Variants in GLI2 observed in about 807,000 individuals in gnomAD.
GLI2 encodes the protein transcription activator GLI2.
In GLI2, 22 loss-of-function variants were observed where a neutral mutation model predicts 78.9. The ratio of observed to expected loss-of-function variants is 0.28; its 90% CI spans 0.20 to 0.40. The LOEUF (loss-of-function observed/expected upper bound fraction) is 0.40, where lower values mean the gene tolerates loss of function less well. Ranked by LOEUF, GLI2 falls within the 10% of genes least tolerant of loss-of-function variation. The pLI is 1.00. For synonymous variants in GLI2, 974 were observed against 963.7 expected (o/e 1.01, Z -0.20); for missense variants, 2,097 against 2,213.2 (o/e 0.95, Z 1.05).
At chr2:120,856,053 A>G (rs750606847) in intron 2 of GLI2, among the ~76,000 whole-genome samples, 1 of 152,150 alleles carries the variant, frequency 6.6e-6, no homozygotes, top group East Asian at 1.9e-4. Context: ...CCAGTTTACA[A>G]AGGGGTCATT....
At chr2:120,876,185 C>T (rs1688729588) in intron 2 of GLI2, among the ~76,000 whole-genome samples, 2 of 152,170 alleles carry the variant, frequency 1.3e-5, no homozygotes, top group Admixed American at 1.3e-4. Flanking sequence ...ACTAAAAATA[C>T]AAAAAACTTA....
rs192825910 is a variant in GLI2 at position 120,978,374 on chromosome 2, G to A, written c.1318-60G>A. The A allele has an allele frequency of 9.2e-4, 1,473 of 1,603,102 alleles. 9 individuals carry two copies. In the Middle Eastern group the frequency reaches 0.027, roughly 29 times the overall value. ...CGGTGCAGGTGGTCAGCTGACAGCA[G>A]GGGGTGGTCTGTGGGCCTCTGGCCC... On this transcript the variant is annotated intron_variant, in intron 9 of 13. Transcript: ENST00000361492.
chr2:120,942,206 C>G (rs1680480603), intron 3 of GLI2, among the ~76,000 whole-genome samples: 1 of 152,166 alleles, frequency 6.6e-6, no homozygotes, highest in Non-Finnish European at 1.5e-5. Context: ...GTACCACGAA[C>G]TCAGTGGCTT....
intron 2 of GLI2, among the ~76,000 whole-genome samples, chr2:120,912,377 G>A (rs1678867511): frequency 6.6e-6 from 1 of 151,694 alleles, no homozygotes; most frequent in Non-Finnish European, 1.5e-5. Context: ...CACCGCTCAG[G>A]GCTGGAGGGT....
intron 2 of GLI2, among the ~76,000 whole-genome samples, chr2:120,923,773 G>A (rs948869141): frequency 1.6e-4 from 24 of 151,708 alleles, no homozygotes; most frequent in Admixed American, 5.3e-4. Flanking sequence ...ACACATGCAC[G>A]TGCAGCACAC....
chr2:120,930,379 C>G (rs1201902810), intron 3 of GLI2, among the ~76,000 whole-genome samples: 1 of 152,278 alleles, frequency 6.6e-6, no homozygotes, highest in African/African-American at 2.4e-5. Context: ...TGAAGCAGCA[C>G]AGAGTGGGTA....
Position 120,869,098 on chromosome 2 carries a change from C to T in GLI2, c.149-58263C>T, listed in dbSNP as rs115533019. On this transcript the variant is annotated intron_variant, in intron 2 of 13. Coordinates refer to ENST00000361492, the MANE Select transcript of GLI2 (RefSeq NM_001374353.1). ...TTGGTCTATGTGCCTGTTTTTGTACCAATGCTTTTTTGGCAGGGAGGTCAC... is the reference window on the plus strand; with the variant it reads ...TTGGTCTATGTGCCTGTTTTTGTACTAATGCTTTTTTGGCAGGGAGGTCAC... Among the ~76,000 whole-genome samples the T allele has an allele frequency of 6.6e-3, 983 of 148,654 alleles. 14 individuals carry two copies. The highest frequency in any genetic ancestry group is 0.022 in the African/African-American group (916 of 40,744).
At chr2:120,904,957 T>A (rs1258734865) in intron 2 of GLI2, among the ~76,000 whole-genome samples, 1 of 152,186 alleles carries the variant, frequency 6.6e-6, no homozygotes, top group Non-Finnish European at 1.5e-5. Flanking sequence ...AGCTGCAGGC[T>A]TTCCCTCAGC....
chr2:120,828,717 G>A (rs1686204102), intron 2 of GLI2, among the ~76,000 whole-genome samples: 1 of 152,128 alleles, frequency 6.6e-6, no homozygotes, highest in African/African-American at 2.4e-5. Flanking sequence ...GAATATGCTT[G>A]AGGATGAGGT....
chr2:120,946,449 G>A (rs1680714703), intron 3 of GLI2, among the ~76,000 whole-genome samples: 1 of 152,152 alleles, frequency 6.6e-6, no homozygotes, highest in South Asian at 2.1e-4. Flanking sequence ...TGTGATGTAG[G>A]AGACTGTGAC....
At chr2:120,879,652 G>A (rs184044706) in intron 2 of GLI2, among the ~76,000 whole-genome samples, 1,637 of 152,310 alleles carry the variant, frequency 0.011, 9 homozygotes, top group Non-Finnish European at 0.013. Flanking sequence ...GCCCCACCAC[G>A]GGCTGGATGC....
At position 120,930,822 on chromosome 2, in the gene GLI2, G is replaced by A. The variant is rs1476290277; in HGVS notation, c.254+3356G>A. Among the ~76,000 whole-genome samples the A allele has an allele frequency of 2.6e-5, 4 of 152,348 alleles. No individual in the cohort carries two copies. The South Asian group carries it at 6.2e-4, about 24-fold the overall frequency. On this transcript the variant is annotated intron_variant, in intron 3 of 13. Coordinates refer to ENST00000361492, the MANE Select transcript of GLI2 (RefSeq NM_001374353.1). ...CTCAGTGCCGTCCTTCCCTGTGTAG[G>A]TGGGAGCCCTGGGCTGGGAAGGGGC...
intron 2 of GLI2, among the ~76,000 whole-genome samples, chr2:120,840,121 C>T (rs753137347): frequency 7.9e-5 from 12 of 152,240 alleles, no homozygotes; most frequent in East Asian, 1.9e-4. Flanking sequence ...AGTTACATCC[C>T]GCACATTCTG....
At chr2:120,809,786 G>A (rs1184647236) in intron 2 of GLI2, among the ~76,000 whole-genome samples, 1 of 152,238 alleles carries the variant, frequency 6.6e-6, no homozygotes, top group Non-Finnish European at 1.5e-5. Flanking sequence ...GAAGGGGGAT[G>A]TTTAATGACA....
intron 1 of GLI2, among the ~76,000 whole-genome samples, chr2:120,761,478 C>T (rs1683210141): frequency 6.6e-6 from 1 of 152,204 alleles, no homozygotes; most frequent in Non-Finnish European, 1.5e-5. Context: ...TCTTTTCTCC[C>T]CACCTCAGAT....
chr2:120,867,051 G>A (rs1384244048), intron 2 of GLI2: 1 of 152,306 alleles, frequency 6.6e-6, no homozygotes, highest in Non-Finnish European at 1.5e-5. Context: ...GTCTTTCACA[G>A]CCTTGTGCGC....
At chr2:120,891,748 C>T (rs769473339) in intron 2 of GLI2, among the ~76,000 whole-genome samples, 3 of 152,152 alleles carry the variant, frequency 2.0e-5, no homozygotes, top group African/African-American at 4.8e-5. Context: ...CAGGGGAAGG[C>T]GCTGTTCCCT....
At chr2:120,917,539 C>T (rs534065424) in intron 2 of GLI2, among the ~76,000 whole-genome samples, 87 of 152,366 alleles carry the variant, frequency 5.7e-4, no homozygotes, top group African/African-American at 2.0e-3. Flanking sequence ...GCCATCCATG[C>T]GCCCCCTTTC....
At chr2:120,774,432 T>G (rs1181007354) in intron 1 of GLI2, among the ~76,000 whole-genome samples, 1 of 152,176 alleles carries the variant, frequency 6.6e-6, no homozygotes, top group African/African-American at 2.4e-5. Flanking sequence ...GTTCTACACA[T>G]TTTTATCACC....
Sources: gnomAD v4.1 joint callset for allele counts (sites outside exome capture counted in the v4.1 genomes callset) on GRCh38, gnomAD v4.1.1 for gene constraint, MANE v1.5 for transcripts, NCBI Gene and HGNC (gene_info 2026-07-23, HGNC 2026-07-21) for gene names.